TYK2: variants seen among roughly 807,000 people sequenced by gnomAD.
TYK2 encodes non-receptor tyrosine-protein kinase TYK2.
In TYK2, 65 loss-of-function variants were observed where a neutral mutation model predicts 130.9. That is an observed-to-expected ratio of 0.50 (90% CI 0.41 to 0.61). TYK2 has a LOEUF of 0.61. Among genes scored for constraint, TYK2 ranks in the 20% least tolerant of loss-of-function variants. TYK2 has a pLI of 0.00. For synonymous variants in TYK2, 647 were observed against 658.9 expected, an observed-to-expected ratio of 0.98 and a Z score of 0.28; for missense variants, 1,378 against 1,610.7, an observed-to-expected ratio of 0.86 and a Z score of 2.47.
chr19:10,359,714 T>C (rs1197968408), intron 14 of TYK2, among the ~76,000 whole-genome samples: 2 of 151,056 alleles, frequency 1.3e-5, no homozygotes, highest in Non-Finnish European at 2.9e-5. Flanking sequence ...GCGCGGTGGC[T>C]CACGCCTGTA....
chr19:10,354,430 A>G, intron 19 of TYK2, 82 bp downstream of exon 19: 2 of 1,448,866 alleles, frequency 1.4e-6, no homozygotes, highest in African/African-American at 1.4e-5. Flanking sequence ...CCTGAGAATC[A>G]CCTTAGGTAG....
At chr19:10,356,469 G>C (rs2041106259) in intron 18 of TYK2, 99 bp downstream of exon 18, 1 of 1,505,474 alleles carries the variant, frequency 6.6e-7, no homozygotes, top group South Asian at 1.1e-5. Flanking sequence ...CACACACCCT[G>C]AACCACTGTG....
At chr19:10,354,458 C>T in intron 19 of TYK2, 54 bp downstream of exon 19, 2 of 1,550,512 alleles carry the variant, frequency 1.3e-6, no homozygotes, top group Admixed American at 3.3e-5. Flanking sequence ...TCCTCAACCC[C>T]CAAACTCCTT....
intron 2 of TYK2, among the ~76,000 whole-genome samples, 170 bp downstream of exon 2, chr19:10,379,445 G>A (rs1178483018): frequency 6.6e-6 from 1 of 150,666 alleles, no homozygotes; most frequent in Non-Finnish European, 1.5e-5. Context: ...GACAGATCAC[G>A]AGGTCTGGAG....
At position 10,378,307 on chromosome 19, in the gene TYK2, A is replaced by G; in HGVS notation, c.100T>C (p.Trp34Arg). The G allele has an allele frequency of 6.2e-7, 1 of 1,612,860 alleles. No homozygotes were observed. The highest frequency in any genetic ancestry group is 8.5e-7 in the Non-Finnish European group (1 of 1,179,974). Residue 34 changes from tryptophan (W) to arginine (R), a missense_variant, in exon 3 of 25, where the codon TGG (tryptophan) becomes CGG (arginine). Trp to Arg is a moderately radical substitution (Grantham distance 101). Transcript: ENST00000525621. Reference protein sequence around the residue: ...AMGGLKVLLHWAGPGGGEPWV... With the variant: ...AMGGLKVLLHRAGPGGGEPWV... ...GGCTCCCCGCCGCCTGGACCAGCCC[A>G]GTGCAGAAGCACCTTCAGGCCTCCC...
intron 17 of TYK2, chr19:10,357,557 C>G (rs1407826156): frequency 1.3e-6 from 1 of 750,288 alleles, no homozygotes; most frequent in Non-Finnish European, 2.3e-6. Context: ...TACTTGCCTT[C>G]TGTGTGCCAG....
chr19:10,363,244 C>T (rs1197919781), intron 9 of TYK2, among the ~76,000 whole-genome samples: 1 of 147,284 alleles, frequency 6.8e-6, no homozygotes, highest in Non-Finnish European at 1.5e-5. Flanking sequence ...GGCTGGAGTG[C>T]AGCGGTGCAA....
At position 10,350,649 on chromosome 19, in the gene TYK2, G is replaced by A; in HGVS notation, c.*185C>T. On this transcript the variant is annotated 3_prime_UTR_variant, in exon 25 of 25. Coordinates refer to ENST00000525621, the MANE Select transcript of TYK2 (RefSeq NM_003331.5). ...CAAATGTTGGGTCCCTCAAGATCAT[G>A]GTTAGGCTCACGGCCAAGAAAGAAA... 1.5e-6 allele frequency: 1 copy of A among 678,780 alleles called. No individual in the cohort carries two copies. The highest frequency in any genetic ancestry group is 1.9e-5 in the South Asian group (1 of 51,880). 42.0% of individuals were successfully genotyped at this position (678,780 alleles called of 1,614,324 possible).
chr19:10,364,919 G>C lies in TYK2; in HGVS notation c.1141C>G (p.Arg381Gly). The C allele has an allele frequency of 6.2e-7, 1 of 1,614,206 alleles. No homozygotes were observed. Among genetic ancestry groups the C allele is most frequent in the Non-Finnish European group, 8.5e-7 (1 of 1,180,042 alleles). ...TTCAGCACCACGTGGGTGATGTCCC[G>C]GAAGTCACAGAAGTAGGCCCACAGT... is the stretch of plus-strand genomic sequence containing the variant. The part of the protein sequence containing the change: ...EPLWAYFCDF[R>G]DITHVVLKEH... The change falls in exon 8 of 25, where the codon CGG (arginine) becomes GGG (glycine). Residue 381 changes from arginine (R) to glycine (G), a missense_variant. Coordinates refer to ENST00000525621, the MANE Select transcript of TYK2 (RefSeq NM_003331.5). This position sits in a 1 kb window ranked among gnomAD's most constrained non-coding sequence, Gnocchi z 4.9.
chr19:10,356,188 G>A (rs1318365875), intron 18 of TYK2, among the ~76,000 whole-genome samples: 1 of 152,050 alleles, frequency 6.6e-6, no homozygotes, highest in African/African-American at 2.4e-5. Context: ...AGACCAGCCT[G>A]GCCAACATGG....
rs755791270 is a variant in TYK2, at chr19:10,362,353, C to A, written c.1580G>T (p.Arg527Leu). Residue 527 changes from arginine (R) to leucine (L), a missense_variant, in exon 11 of 25, where the codon CGG (arginine) becomes CTG (leucine). By Grantham distance (102) the Arg-to-Leu change is moderately radical. Coordinates refer to ENST00000525621, the MANE Select transcript of TYK2 (RefSeq NM_003331.5). ...EGWGRSFPSV[R>L]ELGAALQGCL... ...GCCCTGCAAGGCAGCCCCAAGTTCC[C>A]GAACGCTGGGGAAGGACCGGCCCCA... is the stretch of plus-strand genomic sequence containing the variant. The A allele has an allele frequency of 6.2e-7, 1 of 1,614,134 alleles. No individual in the cohort carries two copies. The highest frequency in any genetic ancestry group is 2.2e-5 in the East Asian group (1 of 44,886).
In TYK2 at chr19:10,353,972, G is replaced by A; in HGVS notation, c.2908+70C>T. 2 of 1,522,294 alleles carry A rather than the reference G, an allele frequency of 1.3e-6. No individual in the cohort carries two copies. Among genetic ancestry groups the A allele is most frequent in the Non-Finnish European group, 1.8e-6 (2 of 1,103,178 alleles). 94.3% of individuals were successfully genotyped at this position (1,522,294 alleles called of 1,614,324 possible). The stretch of plus-strand genomic sequence containing the variant: ...TAATTGGCTAGGCCAGACTGGCCCC[G>A]CCCACAAGGCCACACCCACGCTCTA... On this transcript the variant is annotated intron_variant, in intron 20 of 24. Coordinates refer to ENST00000525621, the MANE Select transcript of TYK2 (RefSeq NM_003331.5). This position sits in a 1 kb window ranked among gnomAD's most constrained non-coding sequence, Gnocchi z 6.9.
At position 10,378,373 on chromosome 19, in the gene TYK2, T is replaced by G; in HGVS notation, c.34A>C (p.Ser12Arg). The change falls in exon 3 of 25, where the codon AGT (serine) becomes CGT (arginine). Residue 12 changes from serine (S) to arginine (R), a missense_variant. Transcript: ENST00000525621. The stretch of plus-strand genomic sequence containing the variant: ...TGGGCTCCATCCCCAACGGGCTTAC[T>G]GCCCCTGGCCATCCCCCAGTGGCGC... ...PLRHWGMARG[S>R]KPVGDGAQPM... The G allele has an allele frequency of 6.2e-7, 1 of 1,612,054 alleles. No homozygotes were observed.
At position 10,354,159 on chromosome 19, in the gene TYK2, C is replaced by T; in HGVS notation, c.2791G>A (p.Ala931Thr). Residue 931 changes from alanine to threonine, a missense_variant, in exon 20 of 25, where the codon GCC becomes ACC. Ala to Thr is a moderately conservative substitution (Grantham distance 58). Coordinates refer to ENST00000525621, the MANE Select transcript of TYK2 (RefSeq NM_003331.5). ...TGGGGGCCGCAGTCTGCCTTGAGGG[C>T]TTTCACCGCCACCATCTCGCCAGTG... ...DGTGEMVAVK[A>T]LKADCGPQHR... The T allele has an allele frequency of 1.2e-6, 2 of 1,613,994 alleles. No individual in the cohort carries two copies. The highest frequency in any genetic ancestry group is 1.7e-6 in the Non-Finnish European group (2 of 1,180,028).
At chr19:10,359,129 C>T (rs1255358182) in intron 15 of TYK2, 46 bp downstream of exon 15, 5 of 1,595,384 alleles carry the variant, frequency 3.1e-6, no homozygotes, top group Middle Eastern at 2.1e-4. Context: ...CTCCTGGGCT[C>T]CTGGCCCTCC....
chr19:10,375,454 C>T (rs2042079730), intron 3 of TYK2, among the ~76,000 whole-genome samples: 1 of 151,682 alleles, frequency 6.6e-6, no homozygotes, highest in South Asian at 2.1e-4. Context: ...TCCAGCTCTA[C>T]TAAAAATATA....
chr19:10,370,654 C>T (rs1282051735), intron 3 of TYK2, among the ~76,000 whole-genome samples: 1 of 151,862 alleles, frequency 6.6e-6, no homozygotes, highest in Non-Finnish European at 1.5e-5. Flanking sequence ...CTCGTCTCTA[C>T]TAAAAATACA....
chr19:10,377,861 GGTGGGTGGATGGATGC>G (rs1212258714), intron 3 of TYK2, among the ~76,000 whole-genome samples: 39 of 66,222 alleles, frequency 5.9e-4, no homozygotes, highest in African/African-American at 1.2e-3. Context: ...TGGGTGGGTG[GGTGGGTGGATGGATGC>G]GTGGGTGGAT....
intron 9 of TYK2, among the ~76,000 whole-genome samples, chr19:10,363,684 A>T (rs1234680806): frequency 2.0e-5 from 3 of 152,212 alleles, no homozygotes; most frequent in African/African-American, 7.2e-5. Flanking sequence ...TGACAGGGCA[A>T]CATAGGGGCC....
Sources: allele counts gnomAD v4.1 joint callset (sites outside exome capture counted in the v4.1 genomes callset), GRCh38; gene constraint gnomAD v4.1.1; non-coding constraint Gnocchi (gnomAD v3.1); transcripts MANE v1.5; gene names NCBI Gene and HGNC (gene_info 2026-07-23, HGNC 2026-07-21).